Variants in KNL1 observed in about 807,000 individuals in gnomAD.
KNL1 encodes the protein kinetochore scaffold 1.
In KNL1, 66 loss-of-function variants were observed where a neutral mutation model predicts 201.3. The observed-to-expected ratio is 0.33, with a 90% CI of 0.27 to 0.40. The LOEUF (loss-of-function observed/expected upper bound fraction) is 0.40. KNL1 is among the 10% of genes least tolerant of loss of function. The pLI is 1.00. For missense variants in KNL1, 2,815 were observed against 2,690.5 expected, an observed-to-expected ratio of 1.05 and a Z score of -1.02; for synonymous variants, 895 against 899.2, an observed-to-expected ratio of 1.00 and a Z score of 0.08.
chr15:40,611,358 C>G (rs1033730161), intron 6 of KNL1, 120 bp from the exon 7 acceptor site: 1 of 168,598 alleles, frequency 5.9e-6, no homozygotes. Context: ...CCACCCGTCT[C>G]GGCCTCCCAA....
At chr15:40,598,810 A>T (rs1204837020) in intron 1 of KNL1, among the ~76,000 whole-genome samples, 1 of 151,996 alleles carries the variant, frequency 6.6e-6, no homozygotes, top group Non-Finnish European at 1.5e-5. Context: ...AAATTTTTTT[A>T]AATTTGTTTT....
At position 40,621,015 on chromosome 15, in the gene KNL1, G is replaced by A. The variant is rs767313809; in HGVS notation, c.751G>A (p.Ala251Thr). ...IPIYSKEPNS[A>T]SSTHQMHVSL... ...TATTTATTCCAAGGAACCGAACAGT[G>A]CCTCTTCTACACATCAAATGCATGT... The change falls in exon 10 of 26, where the codon GCC becomes ACC. Residue 251 changes from alanine (A) to threonine (T), a missense_variant. Transcript: ENST00000399668. 3 of 1,606,068 alleles carry A rather than the reference G, an allele frequency of 1.9e-6. No homozygotes were observed. Among genetic ancestry groups the A allele is most frequent in the South Asian group, 2.2e-5 (2 of 90,012 alleles).
chr15:40,614,821 G>C (rs1442802590), intron 7 of KNL1, among the ~76,000 whole-genome samples: 1 of 152,082 alleles, frequency 6.6e-6, no homozygotes, highest in East Asian at 1.9e-4. Context: ...TTGTTTTAAG[G>C]CTCAAGTTTT....
Position 40,604,877 on chromosome 15 carries a change from T to C in KNL1, c.36-233T>C, listed in dbSNP as rs188449376. ...TATTATTATACCTCTATAAATATGG[T>C]AAATTATGTTGTACTGATAATTATT... On this transcript the variant is annotated intron_variant, in intron 2 of 25. Transcript: ENST00000399668. 2.8e-3 allele frequency among the ~76,000 whole-genome samples: 429 copies of C among 152,368 alleles called. 1 individual carries two copies. Among genetic ancestry groups the C allele is most frequent in the Non-Finnish European group, 4.4e-3 (301 of 68,036 alleles).
At chr15:40,603,591 C>G (rs969231568) in intron 2 of KNL1, among the ~76,000 whole-genome samples, 1 of 152,112 alleles carries the variant, frequency 6.6e-6, no homozygotes, top group Admixed American at 6.5e-5. Flanking sequence ...ACACCCCCGC[C>G]CCCCCATCTC....
rs532634816 is a variant in KNL1 at position 40,594,661 on chromosome 15, T to C, written c.-18+269T>C. On this transcript the variant is annotated intron_variant, in intron 1 of 25. Coordinates refer to ENST00000399668, the MANE Select transcript of KNL1 (RefSeq NM_144508.5). ...CCGGCCACCCGGCTCGGGTTGCTTG[T>C]CCGTCGCTCTCTTGGCGTCCTCTTC... Among the ~76,000 whole-genome samples the C allele has an allele frequency of 3.3e-5, 5 of 152,362 alleles. No homozygotes were observed. The East Asian group carries it at 5.8e-4, about 18-fold the overall frequency.
chr15:40,608,768 G>C, intron 4 of KNL1, 79 bp from the exon 5 acceptor site: 1 of 792,256 alleles, frequency 1.3e-6, no homozygotes, highest in Non-Finnish European at 2.0e-6. Context: ...AAAAGGACTT[G>C]ATCTCTGTCT....
In KNL1 at chr15:40,659,045, T is replaced by G. The variant is rs887543948; in HGVS notation, c.6714-294T>G. ...GCTCACTCCTGTAATCCCAACACTTTGGGTGGTGAGGCAGGCGGATCACCT... is the reference window on the plus strand; with the variant it reads ...GCTCACTCCTGTAATCCCAACACTTGGGGTGGTGAGGCAGGCGGATCACCT... On this transcript the variant is annotated intron_variant, in intron 24 of 25. Transcript: ENST00000399668. Among the ~76,000 whole-genome samples, 4 of 152,290 alleles carry G rather than the reference T, an allele frequency of 2.6e-5. No homozygotes were observed. In the East Asian group the frequency reaches 7.7e-4, roughly 29 times the overall value.
chr15:40,645,742 T>C lies in KNL1; in HGVS notation c.5976T>C (p.Ala1992=), dbSNP rs1893364561. 2 of 1,608,104 alleles carry C rather than the reference T, an allele frequency of 1.2e-6. No homozygotes were observed. The highest frequency in any genetic ancestry group is 8.5e-7 in the Non-Finnish European group (1 of 1,177,116). Residue 1992 remains alanine (A), a synonymous_variant, in exon 16 of 26, where the codon GCT becomes GCC. Transcript: ENST00000399668. ...TCTTCACTCACCAAGGAAAAGTGGC[T>C]CTGTATGGCAAGCTGGTGCAGTCAG... ...TKVFTHQGKV[A]LYGKLVQSAQ...
intron 17 of KNL1, among the ~76,000 whole-genome samples, chr15:40,649,363 T>G (rs1477849154): frequency 6.8e-6 from 1 of 147,652 alleles, no homozygotes; most frequent in African/African-American, 2.5e-5. Flanking sequence ...TGGCATGATC[T>G]CTGCTCACTG....
intron 10 of KNL1, among the ~76,000 whole-genome samples, chr15:40,626,944 G>A (rs111583275): frequency 6.6e-6 from 1 of 152,138 alleles, no homozygotes; most frequent in African/African-American, 2.4e-5. Flanking sequence ...GCCCAGGCTG[G>A]AGCACAGTGG....
chr15:40,636,485 A>T (rs950904077), intron 13 of KNL1, among the ~76,000 whole-genome samples: 83 of 152,190 alleles, frequency 5.5e-4, no homozygotes, highest in Non-Finnish European at 1.6e-4. Context: ...ATCAGAAAAT[A>T]GAGAATAGTT....
In KNL1 at chr15:40,662,319, A is replaced by G; in HGVS notation, c.*131A>G. On this transcript the variant is annotated 3_prime_UTR_variant, in exon 26 of 26. Coordinates refer to ENST00000399668, the MANE Select transcript of KNL1 (RefSeq NM_144508.5). ...ATTCCTTCTGATGATGTTATAGTTA[A>G]TCTGTATGTTTTTTATATCTCTGCA... The G allele has an allele frequency of 1.6e-6, 1 of 620,914 alleles. No homozygotes were observed. The highest frequency in any genetic ancestry group is 2.9e-6 in the Non-Finnish European group (1 of 346,180). 38.5% of individuals were successfully genotyped at this position (620,914 alleles called of 1,614,324 possible). A position where few individuals can be genotyped will look rare whatever the true frequency, so the allele number is the denominator to read the frequency against.
chr15:40,659,567 A>G, intron 25 of KNL1, 106 bp downstream of exon 25: 2 of 945,178 alleles, frequency 2.1e-6, no homozygotes, highest in Non-Finnish European at 3.0e-6. Flanking sequence ...ATCTCGGCTC[A>G]CTGCAACCTC....
At chr15:40,655,652 C>A (rs1046797413) in intron 22 of KNL1, among the ~76,000 whole-genome samples, 1 of 148,292 alleles carries the variant, frequency 6.7e-6, no homozygotes, top group Non-Finnish European at 1.5e-5. Flanking sequence ...TGGTGGCTCA[C>A]GCCTGTAATC....
intron 13 of KNL1, among the ~76,000 whole-genome samples, chr15:40,635,186 C>A (rs1259929946): frequency 2.0e-5 from 3 of 146,522 alleles, no homozygotes; most frequent in Non-Finnish European, 4.5e-5. Context: ...GTAGCTGGGA[C>A]TACAGGCACC....
At chr15:40,648,054 T>C (rs1893448120) in intron 17 of KNL1, among the ~76,000 whole-genome samples, 1 of 152,182 alleles carries the variant, frequency 6.6e-6, no homozygotes, top group South Asian at 2.1e-4. Flanking sequence ...TGCCAGATAC[T>C]GTGCTTAGTA....
chr15:40,627,242 C>T (rs138074334), intron 10 of KNL1, among the ~76,000 whole-genome samples: 278 of 152,282 alleles, frequency 1.8e-3, no homozygotes, highest in Non-Finnish European at 3.3e-3. Context: ...CAGCCAGGCG[C>T]GGTAGCTCAT....
At chr15:40,639,196 C>T (rs1311437266) in intron 13 of KNL1, among the ~76,000 whole-genome samples, 3 of 146,720 alleles carry the variant, frequency 2.0e-5, no homozygotes, top group African/African-American at 7.6e-5. Context: ...GGCTCATGCT[C>T]ATAATCCCAG....
Sources: gnomAD v4.1 joint callset for allele counts (sites outside exome capture counted in the v4.1 genomes callset) on GRCh38, gnomAD v4.1.1 for gene constraint, MANE v1.5 for transcripts, NCBI Gene and HGNC (gene_info 2026-07-23, HGNC 2026-07-21) for gene names.